The following NPIPA5 variants were observed in gnomAD, a reference collection of about 807,000 sequenced individuals.
NPIPA5 encodes the protein nuclear pore complex-interacting protein family member A5.
In NPIPA5, 6 loss-of-function variants were observed where a neutral mutation model predicts 21.4. The ratio of observed to expected loss-of-function variants is 0.28; its 90% CI spans 0.15 to 0.55. The LOEUF is 0.55. NPIPA5 is among the 20% of genes least tolerant of loss of function. The pLI, the probability that NPIPA5 is intolerant of heterozygous loss-of-function variation, is 0.93. For missense variants in NPIPA5, 99 were observed against 318.2 expected, an observed-to-expected ratio of 0.31 and a Z score of 5.24; for synonymous variants, 33 against 115.3, an observed-to-expected ratio of 0.29 and a Z score of 4.57.
At chr16:15,377,074 C>A (rs1157921647) in intron 1 of NPIPA5, among the ~76,000 whole-genome samples, 1 of 148,662 alleles carries the variant, frequency 6.7e-6, no homozygotes. Flanking sequence ...AAGAGTGCAG[C>A]GGGGCCATCT....
chr16:15,368,972 C>G (rs2050063463), intron 4 of NPIPA5, among the ~76,000 whole-genome samples: 1 of 65,764 alleles, frequency 1.5e-5, no homozygotes, highest in South Asian at 7.0e-4. Context: ...GAGTGAGACT[C>G]TGTCTCAAAA....
At chr16:15,368,333 A>T (rs878868606) in intron 4 of NPIPA5, among the ~76,000 whole-genome samples, 14 of 151,824 alleles carry the variant, frequency 9.2e-5, no homozygotes, top group African/African-American at 1.9e-4. Context: ...GAGCCTGCAC[A>T]GACGACCTCA....
intron 4 of NPIPA5, among the ~76,000 whole-genome samples, chr16:15,368,949 A>G (rs1317604177): frequency 9.1e-6 from 1 of 109,734 alleles, no homozygotes; most frequent in Non-Finnish European, 1.8e-5. Context: ...ACTGCACTCT[A>G]GCCTGGGTGA....
At chr16:15,380,858 G>A (rs2050420677), upstream of NPIPA5, 1 of 656,572 alleles carries the variant, frequency 1.5e-6, no homozygotes, top group South Asian at 1.9e-5. Context: ...CACCCGCTAT[G>A]AGATGTGTGG....
At chr16:15,370,916 G>A (rs929096640) in intron 2 of NPIPA5, among the ~76,000 whole-genome samples, 1 of 140,096 alleles carries the variant, frequency 7.1e-6, no homozygotes, top group South Asian at 2.4e-4. Context: ...GCATGGTGGC[G>A]CACGCCTGTA....
At chr16:15,374,323 C>T (rs1414733466) in intron 1 of NPIPA5, among the ~76,000 whole-genome samples, 5 of 150,268 alleles carry the variant, frequency 3.3e-5, no homozygotes, top group African/African-American at 9.9e-5. Context: ...CTCAGCCTCC[C>T]GAGCAGCTGA....
chr16:15,379,144 T>G (rs2050378009), upstream of NPIPA5, among the ~76,000 whole-genome samples: 1 of 152,264 alleles, frequency 6.6e-6, no homozygotes, highest in South Asian at 2.1e-4. Context: ...TGAAAAGCAC[T>G]GCTTTAAATC....
At chr16:15,366,996 A>G (rs1030996398) in intron 4 of NPIPA5, among the ~76,000 whole-genome samples, 1 of 152,020 alleles carries the variant, frequency 6.6e-6, no homozygotes, top group African/African-American at 2.4e-5. Flanking sequence ...TCATAGTTCC[A>G]TAGTTAGTCC....
chr16:15,377,624 TGGGGAGGGGGA>T (rs2050336742), intron 1 of NPIPA5, among the ~76,000 whole-genome samples: 1 of 68,252 alleles, frequency 1.5e-5, no homozygotes, highest in African/African-American at 6.1e-5. Flanking sequence ...GGATCTGAGT[TGGGGAGGGGGA>T]GGGGAGGGGG....
chr16:15,374,144 C>G lies in NPIPA5; in HGVS notation c.64-301G>C, dbSNP rs1010702180. Among the ~76,000 whole-genome samples the G allele has an allele frequency of 1.1e-4, 16 of 148,842 alleles. No individual in the cohort carries two copies. The South Asian group carries it at 2.6e-3, about 24-fold the overall frequency. ...TTAAAAGAAGCAAAGTTGTCTTGAG[C>G]CACACATAACATACACTAACACTAA... On this transcript the variant is annotated intron_variant, in intron 1 of 7. Transcript: ENST00000360151.
chr16:15,377,665 G>A (rs1598408440), intron 1 of NPIPA5, among the ~76,000 whole-genome samples: 1 of 108,132 alleles, frequency 9.2e-6, no homozygotes, highest in Non-Finnish European at 1.9e-5. Flanking sequence ...GGAAGGGGAG[G>A]GGAAGGGGAG....
At chr16:15,376,665 T>C (rs2050302097) in intron 1 of NPIPA5, among the ~76,000 whole-genome samples, 5 of 152,200 alleles carry the variant, frequency 3.3e-5, no homozygotes, top group Admixed American at 2.6e-4. Flanking sequence ...ACGCCTGTAA[T>C]CCCAGCACTG....
In NPIPA5 at chr16:15,363,821, A is replaced by C; in HGVS notation, c.891T>G (p.Ala297=). Residue 297 remains alanine, a synonymous_variant, in exon 8 of 8, where the codon GCT becomes GCG. Coordinates refer to ENST00000360151, the MANE Select transcript of NPIPA5 (RefSeq NM_001277325.2). The stretch of plus-strand genomic sequence containing the variant: ...TGAGATTATCATCCGCTGAGGGTAG[A>C]GCTGAGGGTGGAAGGGGAGTGAGCA... The part of the protein sequence containing the change: ...ECLLTPLPPS[A]LPSADDNLKT... The C allele has an allele frequency of 1.3e-6, 2 of 1,493,868 alleles. 1 individual carries two copies. Among genetic ancestry groups the C allele is most frequent in the East Asian group, 5.3e-5 (2 of 38,032 alleles). The allele number at this position is 1,493,868 out of a possible 1,614,324, so 92.5% of individuals were successfully genotyped here. A position where few individuals can be genotyped will look rare whatever the true frequency, so the allele number is the denominator to read the frequency against.
At chr16:15,380,365 C>T (rs184086395), upstream of NPIPA5, among the ~76,000 whole-genome samples, 641 of 150,708 alleles carry the variant, frequency 4.3e-3, 13 homozygotes, top group African/African-American at 0.015. Context: ...CTCTGTCGTA[C>T]AGTCTGGAGT....
upstream of NPIPA5, chr16:15,381,490 T>C: frequency 1.0e-6 from 1 of 982,052 alleles, no homozygotes; most frequent in Non-Finnish European, 1.2e-6. Flanking sequence ...ACATTACTAA[T>C]TATAACCCTG....
At chr16:15,372,212 G>T (rs933045167) in intron 2 of NPIPA5, among the ~76,000 whole-genome samples, 16 of 147,468 alleles carry the variant, frequency 1.1e-4, no homozygotes, top group African/African-American at 3.7e-4. Flanking sequence ...CCTGGCTCAC[G>T]TGGTGGCTCA....
chr16:15,363,853 C>A lies in NPIPA5; in HGVS notation c.859G>T (p.Glu287Ter). ...SADDNLKTPP[E>*]CLLTPLPPSA... ...GGTGGAAGGGGAGTGAGCAGACACT[C>A]GGGAGGTGTCTTGAGATTATCATCC... is the stretch of plus-strand genomic sequence containing the variant. The change falls in exon 8 of 8, where the codon GAG becomes TAG. Residue 287 changes from glutamate to a stop codon, truncating the protein, a stop_gained. Transcript: ENST00000360151. LOFTEE classifies it high-confidence loss of function. 6.3e-7 allele frequency: 1 copy of A among 1,586,856 alleles called. No homozygotes were observed. The highest frequency in any genetic ancestry group is 8.5e-7 in the Non-Finnish European group (1 of 1,172,334).
chr16:15,377,653 GGGGAAGGGGAGGGGAAGGGGAGAAGTAA>G (rs1293284801), intron 1 of NPIPA5, among the ~76,000 whole-genome samples: 1 of 109,700 alleles, frequency 9.1e-6, no homozygotes, highest in Non-Finnish European at 1.9e-5. Flanking sequence ...GGGAGGGGAA[GGGGAAGGGGAGGGGAAGGGGAGAAGTAA>G]GGGAAGGGAA....
intron 4 of NPIPA5, among the ~76,000 whole-genome samples, chr16:15,369,149 C>G (rs2050073604): frequency 6.9e-6 from 1 of 145,260 alleles, no homozygotes; most frequent in East Asian, 2.1e-4. Context: ...GAGACTCTAT[C>G]TCAAAATTAA....
Sources: gnomAD v4.1 joint callset for allele counts (sites outside exome capture counted in the v4.1 genomes callset) on GRCh38, gnomAD v4.1.1 for gene constraint, MANE v1.5 for transcripts, NCBI Gene and HGNC (gene_info 2026-07-23, HGNC 2026-07-21) for gene names.